The following SCAPER variants were observed in gnomAD, a reference collection of about 807,000 sequenced individuals.
SCAPER encodes S phase cyclin A-associated protein in the endoplasmic reticulum.
Under a neutral mutation model 182.2 loss-of-function variants are expected in SCAPER, and 98 were observed. The ratio of observed to expected loss-of-function variants is 0.54; its 90% CI spans 0.46 to 0.64. The LOEUF (loss-of-function observed/expected upper bound fraction) is 0.64. Ranked by LOEUF, SCAPER falls within the 30% of genes least tolerant of loss-of-function variation. The probability of loss-of-function intolerance (pLI) is 0.00; values close to 1 mark genes in which losing one functional copy is unlikely to be tolerated. For synonymous variants in SCAPER, 605 were observed against 564.6 expected (o/e 1.07, Z -1.01); for missense variants, 1,432 against 1,690.0 (o/e 0.85, Z 2.68).
chr15:76,358,198 CTT>C (rs917633204), intron 29 of SCAPER, among the ~76,000 whole-genome samples: 3 of 152,230 alleles, frequency 2.0e-5, no homozygotes, highest in Non-Finnish European at 4.4e-5. Flanking sequence ...GATGGAAACT[CTT>C]TGACTAAACA....
At chr15:76,432,598 T>G (rs1567128009) in intron 26 of SCAPER, among the ~76,000 whole-genome samples, 1 of 152,150 alleles carries the variant, frequency 6.6e-6, no homozygotes, top group Non-Finnish European at 1.5e-5. Context: ...TGCTGATAGG[T>G]GGAACAGGTA....
At chr15:76,359,739 ATAAC>A (rs1438234941) in intron 29 of SCAPER, among the ~76,000 whole-genome samples, 1 of 152,250 alleles carries the variant, frequency 6.6e-6, no homozygotes, top group Admixed American at 6.5e-5. Context: ...CAACTATCAC[ATAAC>A]TAAGTATATG....
chr15:76,592,338 C>T (rs2049183969), intron 22 of SCAPER, among the ~76,000 whole-genome samples: 1 of 72,344 alleles, frequency 1.4e-5, no homozygotes, highest in African/African-American at 3.0e-5. Flanking sequence ...CAGCCCACTG[C>T]TCAAATAAAA....
rs185640489 is a variant in SCAPER at position 76,627,582 on chromosome 15, T to C, written c.2646-5753A>G. On this transcript the variant is annotated intron_variant, in intron 21 of 31. Coordinates refer to ENST00000563290, the MANE Select transcript of SCAPER (RefSeq NM_020843.4). Reference sequence around the variant, plus strand: ...TCCTGTGTTAGTTTGCTGAGGATAATAGCTTCCAGGTCCATTCATGTCCCT... The same window carrying C: ...TCCTGTGTTAGTTTGCTGAGGATAACAGCTTCCAGGTCCATTCATGTCCCT... 4.0e-3 allele frequency among the ~76,000 whole-genome samples: 606 copies of C among 152,314 alleles called. 2 individuals carry two copies. The highest frequency in any genetic ancestry group is 6.0e-3 in the Non-Finnish European group (409 of 68,030).
At chr15:76,831,095 C>T (rs781021166) in intron 5 of SCAPER, among the ~76,000 whole-genome samples, 13 of 152,286 alleles carry the variant, frequency 8.5e-5, no homozygotes, top group Non-Finnish European at 1.9e-4. Context: ...GAACTCCAAA[C>T]TGCATGGAGC....
At chr15:76,707,135 T>C (rs901891180) in intron 17 of SCAPER, among the ~76,000 whole-genome samples, 2 of 151,868 alleles carry the variant, frequency 1.3e-5, no homozygotes, top group African/African-American at 4.8e-5. Context: ...AAAGCAACTA[T>C]TAAAGTAACT....
At chr15:76,584,339 T>C (rs1305466851) in intron 22 of SCAPER, among the ~76,000 whole-genome samples, 2 of 152,208 alleles carry the variant, frequency 1.3e-5, no homozygotes, top group African/African-American at 2.4e-5. Flanking sequence ...GAATAAGACC[T>C]AGCATTTGAT....
At chr15:76,674,969 CAGAA>C (rs2057279476) in intron 20 of SCAPER, among the ~76,000 whole-genome samples, 1 of 152,048 alleles carries the variant, frequency 6.6e-6, no homozygotes, top group Non-Finnish European at 1.5e-5. Flanking sequence ...CTTTCGGAAG[CAGAA>C]AGAAAACCTC....
At chr15:76,695,282 C>T (rs568270517) in intron 20 of SCAPER, among the ~76,000 whole-genome samples, 1 of 152,022 alleles carries the variant, frequency 6.6e-6, no homozygotes, top group Admixed American at 6.6e-5. Flanking sequence ...AAAAAGCAAG[C>T]TTGTATTCTT....
At chr15:76,894,395 C>G (rs1222180908) in intron 1 of SCAPER, among the ~76,000 whole-genome samples, 3 of 152,088 alleles carry the variant, frequency 2.0e-5, no homozygotes, top group Non-Finnish European at 4.4e-5. Flanking sequence ...TGAGACTAGT[C>G]TCTACGTTCC....
At chr15:76,464,007 CTTT>C (rs10630336) in intron 25 of SCAPER, among the ~76,000 whole-genome samples, 1,494 of 120,368 alleles carry the variant, frequency 0.012, 8 homozygotes, top group Non-Finnish European at 0.018. Context: ...TTTCACTGGT[CTTT>C]TTTTTTTTTT....
At chr15:76,553,316 G>A (rs974087871) in intron 23 of SCAPER, among the ~76,000 whole-genome samples, 3 of 152,140 alleles carry the variant, frequency 2.0e-5, no homozygotes, top group South Asian at 2.1e-4. Flanking sequence ...TATGGACACC[G>A]GTGCCCCTGC....
intron 16 of SCAPER, among the ~76,000 whole-genome samples, chr15:76,729,269 TACACACACACACATATATATACAC>T (rs1416335160): frequency 7.2e-6 from 1 of 139,092 alleles, no homozygotes; most frequent in South Asian, 2.2e-4. Flanking sequence ...TATATATATA[TACACACACACACATATATATACAC>T]ATACACACAC....
chr15:76,476,648 GC>G (rs1358275423), intron 24 of SCAPER, among the ~76,000 whole-genome samples: 1 of 104,730 alleles, frequency 9.5e-6, no homozygotes, highest in African/African-American at 3.7e-5. Flanking sequence ...TCACTATGTT[GC>G]CCAGGCTGGT....
intron 20 of SCAPER, among the ~76,000 whole-genome samples, chr15:76,672,997 GA>G (rs976457885): frequency 6.6e-6 from 1 of 151,802 alleles, no homozygotes; most frequent in Non-Finnish European, 1.5e-5. Context: ...CACTTACAAG[GA>G]AAAAAACTGG....
intron 20 of SCAPER, among the ~76,000 whole-genome samples, chr15:76,698,416 G>A (rs1306293282): frequency 6.6e-6 from 1 of 152,084 alleles, no homozygotes; most frequent in Non-Finnish European, 1.5e-5. Context: ...ACCGTGAACT[G>A]GCTTGTACTG....
chr15:76,624,177 G>A (rs916531123), intron 21 of SCAPER, among the ~76,000 whole-genome samples: 1 of 152,168 alleles, frequency 6.6e-6, no homozygotes, highest in Admixed American at 6.5e-5. Context: ...TCCTAGAACC[G>A]ATAGACGACT....
chr15:76,747,221 T>C (rs906710024), intron 15 of SCAPER, among the ~76,000 whole-genome samples: 1 of 152,162 alleles, frequency 6.6e-6, no homozygotes, highest in African/African-American at 2.4e-5. Context: ...AAATGTGATC[T>C]GGCCAGGCAT....
intron 23 of SCAPER, among the ~76,000 whole-genome samples, chr15:76,525,458 T>C (rs1191033877): frequency 6.6e-6 from 1 of 152,098 alleles, no homozygotes; most frequent in Non-Finnish European, 1.5e-5. Flanking sequence ...GATGCTGAGG[T>C]TGAGCCCATC....
Sources: gnomAD v4.1 joint callset for allele counts (sites outside exome capture counted in the v4.1 genomes callset) on GRCh38, gnomAD v4.1.1 for gene constraint, MANE v1.5 for transcripts, NCBI Gene and HGNC (gene_info 2026-07-23, HGNC 2026-07-21) for gene names.